The following S100PBP variants were observed in gnomAD, a reference collection of about 807,000 sequenced individuals.
The protein encoded by S100PBP is S100P-binding protein.
S100PBP carries 15 observed loss-of-function variants against 39.9 expected under a neutral mutation model. That is an observed-to-expected ratio of 0.38 (90% confidence interval 0.25 to 0.58). S100PBP has a LOEUF of 0.58. S100PBP is among the 20% of genes least tolerant of loss of function. The pLI is 0.70. For missense variants in S100PBP, 504 were observed against 487.3 expected (o/e 1.03, Z -0.32); for synonymous variants, 178 against 180.3 (o/e 0.99, Z 0.10).
chr1:32,847,798 G>A (rs1640444074), intron 5 of S100PBP: 1 of 151,704 alleles, frequency 6.6e-6, no homozygotes, highest in South Asian at 2.1e-4. Flanking sequence ...TATAAAAGCA[G>A]TAGCCCATGT....
Position 32,826,839 on chromosome 1 carries a change from C to T in S100PBP, c.740C>T (p.Thr247Ile), listed in dbSNP as rs756116168. ...TCTCGGATCTCAGACCATTCAGAGA[C>T]TCCTAATATGGAGTTATCCTGCAGA... ...VFSRISDHSETPNMELSCRNG... is the reference protein window; with the variant it reads ...VFSRISDHSEIPNMELSCRNG... Residue 247 changes from threonine to isoleucine, a missense_variant, in exon 3 of 7, where the codon ACT (threonine) becomes ATT (isoleucine). Coordinates refer to ENST00000373475, the MANE Select transcript of S100PBP (RefSeq NM_022753.4). 1.9e-6 allele frequency: 3 copies of T among 1,613,986 alleles called. No individual in the cohort carries two copies. In the South Asian group the frequency reaches 3.3e-5, roughly 18 times the overall value.
intron 5 of S100PBP, chr1:32,835,487 T>C (rs1469858420): frequency 1.3e-5 from 2 of 152,186 alleles, no homozygotes; most frequent in African/African-American, 2.4e-5. Context: ...TATATTCACA[T>C]TGTTGTGAAA....
intron 5 of S100PBP, among the ~76,000 whole-genome samples, chr1:32,832,282 T>G (rs1224467249): frequency 6.6e-6 from 1 of 151,702 alleles, no homozygotes; most frequent in Non-Finnish European, 1.5e-5. Context: ...TACTGAAGTT[T>G]TTTTTTTTAG....
Position 32,832,894 on chromosome 1 carries a change from A to T in S100PBP, c.1024+2827A>T, listed in dbSNP as rs112463306. Among the ~76,000 whole-genome samples, 638 of 152,236 alleles carry T rather than the reference A, an allele frequency of 4.2e-3. 1 individual carries two copies. The highest frequency in any genetic ancestry group is 7.3e-3 in the Non-Finnish European group (498 of 68,006). ...TCTTTTCACTTTATCAATAATGTATATATTATTGATGTAGAATGTAACAAA... is the reference window on the plus strand; with the variant it reads ...TCTTTTCACTTTATCAATAATGTATTTATTATTGATGTAGAATGTAACAAA... On this transcript the variant is annotated intron_variant, in intron 5 of 6. Coordinates refer to ENST00000373475, the MANE Select transcript of S100PBP (RefSeq NM_022753.4).
chr1:32,817,841 C>T (rs1638815000), intron 1 of S100PBP, 152 bp downstream of exon 1: 1 of 159,852 alleles, frequency 6.3e-6, no homozygotes, highest in Admixed American at 6.0e-5. Context: ...CGTTCTAGCT[C>T]CTGAGGTGAT....
intron 1 of S100PBP, among the ~76,000 whole-genome samples, chr1:32,824,636 C>G (rs1309727152): frequency 6.6e-6 from 1 of 150,862 alleles, no homozygotes. Flanking sequence ...GATGACTGCT[C>G]TCTGCAGCCT....
chr1:32,829,834 G>T, intron 4 of S100PBP, 130 bp from the exon 5 acceptor site: 2 of 644,154 alleles, frequency 3.1e-6, no homozygotes, highest in South Asian at 1.9e-5. Flanking sequence ...TCTGCCTCTC[G>T]ATCATAAAGA....
In S100PBP at chr1:32,821,697, C is replaced by T. The variant is rs138131745; in HGVS notation, c.-119-3616C>T. On this transcript the variant is annotated intron_variant, in intron 1 of 6. Transcript: ENST00000373475. ...TCACCCAGGCTGGAGTGTAGTGGTG[C>T]GATCTCTGCCCACTGCAACCTCCGC... Among the ~76,000 whole-genome samples, 11 of 149,214 alleles carry T rather than the reference C, an allele frequency of 7.4e-5. No individual in the cohort carries two copies. The East Asian group carries it at 1.4e-3, about 19-fold the overall frequency.
intron 1 of S100PBP, 188 bp from the exon 2 acceptor site, chr1:32,825,125 G>C (rs987651424): frequency 5.9e-5 from 9 of 152,036 alleles, no homozygotes; most frequent in Non-Finnish European, 1.2e-4. Context: ...TTGCTTAGTT[G>C]CATAATTTTT....
At chr1:32,840,888 C>A (rs1025501612) in intron 5 of S100PBP, among the ~76,000 whole-genome samples, 3 of 151,598 alleles carry the variant, frequency 2.0e-5, no homozygotes, top group African/African-American at 7.3e-5. Flanking sequence ...CGGCCAGGCG[C>A]GGTGGCTCAA....
chr1:32,828,614 C>G (rs1240670780), intron 4 of S100PBP, among the ~76,000 whole-genome samples: 1 of 151,976 alleles, frequency 6.6e-6, no homozygotes, highest in Non-Finnish European at 1.5e-5. Context: ...CTAGAAAAAG[C>G]TTTTTTTAAA....
At chr1:32,829,336 A>G (rs2148650939) in intron 4 of S100PBP, among the ~76,000 whole-genome samples, 1 of 152,352 alleles carries the variant, frequency 6.6e-6, no homozygotes, top group South Asian at 2.1e-4. Context: ...GTTTCACTCT[A>G]GAAAGCTATT....
At chr1:32,833,744 G>T (rs1639701881) in intron 5 of S100PBP, among the ~76,000 whole-genome samples, 1 of 151,826 alleles carries the variant, frequency 6.6e-6, no homozygotes, top group Non-Finnish European at 1.5e-5. Context: ...AATCTATCCT[G>T]CCACCTAGAA....
At chr1:32,819,221 AGAG>A (rs1404267297) in intron 1 of S100PBP, among the ~76,000 whole-genome samples, 8 of 152,194 alleles carry the variant, frequency 5.3e-5, no homozygotes, top group Non-Finnish European at 8.8e-5. Flanking sequence ...GATGGGGTGT[AGAG>A]GAACTAAGAA....
chr1:32,844,772 T>G (rs1247450321), intron 5 of S100PBP, among the ~76,000 whole-genome samples: 2 of 151,952 alleles, frequency 1.3e-5, no homozygotes, highest in Non-Finnish European at 2.9e-5. Context: ...TATCTATAGA[T>G]AGAGATATAT....
chr1:32,837,806 A>G (rs1374917721), intron 5 of S100PBP, among the ~76,000 whole-genome samples: 3 of 151,956 alleles, frequency 2.0e-5, no homozygotes, highest in South Asian at 4.1e-4. Context: ...AAATTCATCC[A>G]TGTTGCATGT....
At chr1:32,827,050 C>G in intron 3 of S100PBP, 120 bp downstream of exon 3, 1 of 662,856 alleles carries the variant, frequency 1.5e-6, no homozygotes. Context: ...TGTGGGCATC[C>G]TACACCACAG....
In S100PBP at chr1:32,826,197, G is replaced by A. The variant is rs781211030; in HGVS notation, c.98G>A (p.Gly33Glu). The change falls in exon 3 of 7, where the codon GGA (glycine) becomes GAA (glutamate). Residue 33 changes from glycine to glutamate, a missense_variant. Coordinates refer to ENST00000373475, the MANE Select transcript of S100PBP (RefSeq NM_022753.4). The stretch of plus-strand genomic sequence containing the variant: ...TCTTGGGATTCCTTGGATGAGGATG[G>A]ATTGGATGACTCCTTGCTGGAGCTG... Reference protein sequence around the residue: ...PFSWDSLDEDGLDDSLLELSE... With the variant: ...PFSWDSLDEDELDDSLLELSE... 4 of 1,614,120 alleles carry A rather than the reference G, an allele frequency of 2.5e-6. No individual in the cohort carries two copies.
chr1:32,843,083 T>C (rs1640195123), intron 5 of S100PBP: 1 of 152,226 alleles, frequency 6.6e-6, no homozygotes, highest in Non-Finnish European at 1.5e-5. Context: ...TGCTATTATA[T>C]AGAAATGTAA....
Sources: gnomAD v4.1 joint callset for allele counts (sites outside exome capture counted in the v4.1 genomes callset) on GRCh38, gnomAD v4.1.1 for gene constraint, MANE v1.5 for transcripts, NCBI Gene and HGNC (gene_info 2026-07-23, HGNC 2026-07-21) for gene names.